RSBN1L: variants seen among roughly 807,000 people sequenced by gnomAD.
The protein encoded by RSBN1L is lysine-specific demethylase RSBN1L.
A neutral mutation model predicts 67.7 loss-of-function variants in RSBN1L; 30 were observed. The observed-to-expected ratio is 0.44, with a 90% CI of 0.33 to 0.60. The LOEUF is 0.60. Ranked by LOEUF, RSBN1L falls within the 20% of genes least tolerant of loss-of-function variation. RSBN1L has a pLI of 0.02. For synonymous variants in RSBN1L, 433 were observed against 387.0 expected, an observed-to-expected ratio of 1.12 and a Z score of -1.39; for missense variants, 992 against 1,031.7, an observed-to-expected ratio of 0.96 and a Z score of 0.53.
chr7:77,720,810 G>T (rs1265879575), intron 1 of RSBN1L, among the ~76,000 whole-genome samples: 2 of 136,748 alleles, frequency 1.5e-5, no homozygotes, highest in Admixed American at 1.6e-4. Flanking sequence ...CTGTCACCCA[G>T]GCTCGAGTGC....
intron 2 of RSBN1L, among the ~76,000 whole-genome samples, chr7:77,742,595 T>C (rs1791427961): frequency 6.6e-6 from 1 of 152,128 alleles, no homozygotes; most frequent in Non-Finnish European, 1.5e-5. Flanking sequence ...CCCAGCACTT[T>C]GGGAGGCCGA....
In RSBN1L at chr7:77,779,162, G is replaced by A. The variant is rs752100308; in HGVS notation, c.2535G>A (p.Leu845=). ...SNQDKKDDDI[L]C ...AAGATAAAAAAGACGATGACATTTT[G>A]TGCTAAATTTGCATATACCATCTAA... Residue 845 remains leucine (L), a synonymous_variant, in exon 8 of 8, where the codon TTG becomes TTA. Coordinates refer to ENST00000334955, the MANE Select transcript of RSBN1L (RefSeq NM_198467.3). 4.4e-6 allele frequency: 7 copies of A among 1,576,106 alleles called. No homozygotes were observed. The South Asian group carries it at 7.1e-5, about 16-fold the overall frequency.
At chr7:77,742,980 A>AT (rs1791433575) in intron 2 of RSBN1L, among the ~76,000 whole-genome samples, 1 of 152,238 alleles carries the variant, frequency 6.6e-6, no homozygotes, top group Admixed American at 6.5e-5. Flanking sequence ...AGGACTGAGA[A>AT]TAACAGTCTC....
chr7:77,727,816 T>C (rs566282372), intron 1 of RSBN1L, among the ~76,000 whole-genome samples: 1 of 152,282 alleles, frequency 6.6e-6, no homozygotes, highest in Non-Finnish European at 1.5e-5. Flanking sequence ...TAATTCCACA[T>C]ACCTTAGTTA....
chr7:77,741,782 A>G (rs529335702), intron 2 of RSBN1L, among the ~76,000 whole-genome samples: 10 of 152,282 alleles, frequency 6.6e-5, no homozygotes, highest in Admixed American at 3.3e-4. Context: ...GGTATTTAAA[A>G]TGGCCTTTTT....
intron 1 of RSBN1L, among the ~76,000 whole-genome samples, chr7:77,731,223 GT>G (rs1023213847): frequency 6.6e-6 from 1 of 151,640 alleles, no homozygotes; most frequent in Non-Finnish European, 1.5e-5. Flanking sequence ...TGGTTTGTTT[GT>G]TTTTTTTGAG....
At chr7:77,709,945 T>C (rs570084374) in intron 1 of RSBN1L, among the ~76,000 whole-genome samples, 1 of 152,218 alleles carries the variant, frequency 6.6e-6, no homozygotes, top group Admixed American at 6.5e-5. Context: ...AGATTTGTCT[T>C]GCTATGTATG....
chr7:77,761,071 T>C (rs1791692349), intron 3 of RSBN1L, among the ~76,000 whole-genome samples: 2 of 152,186 alleles, frequency 1.3e-5, no homozygotes, highest in African/African-American at 4.8e-5. Flanking sequence ...GGATGTGAGG[T>C]TTTCCAGATA....
intron 5 of RSBN1L, 37 bp from the exon 6 acceptor site, chr7:77,773,110 C>T: frequency 8.6e-7 from 1 of 1,164,862 alleles, no homozygotes; most frequent in South Asian, 1.7e-5. Context: ...AATTAAGTGT[C>T]ACTATATAAA....
intron 1 of RSBN1L, among the ~76,000 whole-genome samples, chr7:77,707,143 C>T (rs1790904501): frequency 6.6e-6 from 1 of 151,792 alleles, no homozygotes; most frequent in Admixed American, 6.6e-5. Flanking sequence ...CATGCCTCAG[C>T]CACCCAAGTA....
chr7:77,745,936 C>G (rs1791478265), intron 2 of RSBN1L, among the ~76,000 whole-genome samples: 1 of 152,106 alleles, frequency 6.6e-6, no homozygotes, highest in Non-Finnish European at 1.5e-5. Context: ...TAATAGGGTT[C>G]ACCCTCCTAT....
At chr7:77,740,400 G>A (rs1791392590) in intron 2 of RSBN1L, among the ~76,000 whole-genome samples, 1 of 152,188 alleles carries the variant, frequency 6.6e-6, no homozygotes, top group Non-Finnish European at 1.5e-5. Flanking sequence ...TGAGCAGTTA[G>A]AATGAGGGTT....
Position 77,749,442 on chromosome 7 carries a change from A to G in RSBN1L, c.722A>G (p.Lys241Arg). Residue 241 changes from lysine to arginine, a missense_variant, in exon 3 of 8, where the codon AAA (lysine) becomes AGA (arginine). Transcript: ENST00000334955. ...CCAACAGGTGGGAAGGAGAAACCAA[A>G]AACAAATATAGAAGACTTACAAATT... ...ILLKSGKEKP[K>R]TNIEDLQIKK... 6.4e-7 allele frequency: 1 copy of G among 1,561,232 alleles called. No individual in the cohort carries two copies. Among genetic ancestry groups the G allele is most frequent in the South Asian group, 1.2e-5 (1 of 82,242 alleles).
intron 3 of RSBN1L, among the ~76,000 whole-genome samples, chr7:77,753,501 G>A (rs1791580499): frequency 6.6e-6 from 1 of 152,086 alleles, no homozygotes; most frequent in African/African-American, 2.4e-5. Context: ...TATTATATAT[G>A]TAGATAAGAA....
At chr7:77,737,817 G>A (rs997203242) in intron 2 of RSBN1L, among the ~76,000 whole-genome samples, 2 of 152,158 alleles carry the variant, frequency 1.3e-5, no homozygotes, top group African/African-American at 4.8e-5. Context: ...GAGGTCAGGA[G>A]TTTGAGACCA....
At position 77,696,867 on chromosome 7, in the gene RSBN1L, C is replaced by T; in HGVS notation, c.398C>T (p.Thr133Met). 1 of 1,610,972 alleles carries T rather than the reference C, an allele frequency of 6.2e-7. No homozygotes were observed. The change falls in exon 1 of 8, where the codon ACG (threonine) becomes ATG (methionine). Residue 133 changes from threonine (T) to methionine (M), a missense_variant. By Grantham distance (81) the Thr-to-Met change is moderately conservative. Around this residue, in one of 7 missense-constraint regions of RSBN1L, gnomAD observed 575 missense variants for 483.2 expected, o/e 1.19. Coordinates refer to ENST00000334955, the MANE Select transcript of RSBN1L (RefSeq NM_198467.3). The stretch of plus-strand genomic sequence containing the variant: ...CCGCGCAAACTGCTGGTCCCTCCTA[C>T]GCTGCTGCACGCTCAGCCTCACCAT... ...PVPRKLLVPP[T>M]LLHAQPHHLL...
chr7:77,765,689 C>G, intron 4 of RSBN1L, 57 bp downstream of exon 4: 1 of 1,178,744 alleles, frequency 8.5e-7, no homozygotes, highest in Non-Finnish European at 1.2e-6. Flanking sequence ...GGAAGAAAAA[C>G]CAATATGAGT....
rs1232627557 is a variant in RSBN1L at position 77,780,027 on chromosome 7, T to C, written c.*859T>C. 1 of 152,060 alleles carries C rather than the reference T, an allele frequency of 6.6e-6. No individual in the cohort carries two copies. The highest frequency in any genetic ancestry group is 1.9e-4 in the East Asian group (1 of 5,172). 9.4% of individuals were successfully genotyped at this position (152,060 alleles called of 1,614,324 possible). A position where few individuals can be genotyped will look rare whatever the true frequency, so the allele number is the denominator to read the frequency against. ...TTGTATTTTTAGTAGAGATGGGGTT[T>C]CATCATGTTGGCCAGGATGGTCTTG... On this transcript the variant is annotated 3_prime_UTR_variant, in exon 8 of 8. Coordinates refer to ENST00000334955, the MANE Select transcript of RSBN1L (RefSeq NM_198467.3).
chr7:77,725,859 C>T (rs1011077352), intron 1 of RSBN1L, among the ~76,000 whole-genome samples: 2 of 152,262 alleles, frequency 1.3e-5, no homozygotes, highest in Non-Finnish European at 2.9e-5. Context: ...GCTGGGATTA[C>T]AGGCAAGAGC....
Sources: allele counts gnomAD v4.1 joint callset (sites outside exome capture counted in the v4.1 genomes callset), GRCh38; gene constraint gnomAD v4.1.1; regional missense constraint gnomAD v4.1.1; transcripts MANE v1.5; gene names NCBI Gene and HGNC (gene_info 2026-07-23, HGNC 2026-07-21).